Variants in NRF1 observed in about 807,000 individuals in gnomAD.
NRF1 encodes the protein alpha palindromic-binding protein.
NRF1 carries 5 observed loss-of-function variants against 58.5 expected under a neutral mutation model. That is an observed-to-expected ratio of 0.09 (90% CI 0.04 to 0.18). NRF1 has a LOEUF of 0.18. Ranked by LOEUF, NRF1 falls within the 10% of genes least tolerant of loss-of-function variation. The pLI is 1.00. For missense variants in NRF1, 288 were observed against 657.7 expected, an observed-to-expected ratio of 0.44 and a Z score of 6.15; for synonymous variants, 224 against 246.7, an observed-to-expected ratio of 0.91 and a Z score of 0.86.
In NRF1 at chr7:129,756,021, G is replaced by A. The variant is rs534662322; in HGVS notation, c.*840G>A. 1 of 152,786 alleles carries A rather than the reference G, an allele frequency of 6.5e-6. No individual in the cohort carries two copies. The highest frequency in any genetic ancestry group is 1.9e-4 in the East Asian group (1 of 5,184). 9.5% of individuals were successfully genotyped at this position (152,786 alleles called of 1,614,324 possible). The stretch of plus-strand genomic sequence containing the variant: ...TTGCTCTGGTTTTAAGGTCAGTCCT[G>A]AATTGCTCGTATATATGAACTGAAG... On this transcript the variant is annotated 3_prime_UTR_variant, in exon 11 of 11. Coordinates refer to ENST00000393232, the MANE Select transcript of NRF1 (RefSeq NM_005011.5).
chr7:129,742,373 G>C (rs945912489), intron 10 of NRF1, among the ~76,000 whole-genome samples: 1 of 151,522 alleles, frequency 6.6e-6, no homozygotes, highest in African/African-American at 2.4e-5. Context: ...CCGAGACACT[G>C]CTGTGAGTGA....
At chr7:129,750,750 G>GA (rs1223726956) in intron 10 of NRF1, among the ~76,000 whole-genome samples, 1 of 152,168 alleles carries the variant, frequency 6.6e-6, no homozygotes, top group Admixed American at 6.5e-5. Flanking sequence ...ACAGAAGATG[G>GA]AATCTTTCAA....
At chr7:129,708,276 C>T (rs1049870815) in intron 5 of NRF1, among the ~76,000 whole-genome samples, 1 of 152,194 alleles carries the variant, frequency 6.6e-6, no homozygotes, top group Non-Finnish European at 1.5e-5. Context: ...AAAGTAGACC[C>T]TCCCCCAACA....
chr7:129,627,117 CG>C (rs757234962), intron 1 of NRF1, among the ~76,000 whole-genome samples: 3 of 152,222 alleles, frequency 2.0e-5, no homozygotes, highest in Non-Finnish European at 4.4e-5. Context: ...TATTCTTCCA[CG>C]TAGGCTAAGC....
intron 10 of NRF1, among the ~76,000 whole-genome samples, chr7:129,752,037 G>C (rs1264733403): frequency 6.6e-6 from 1 of 152,230 alleles, no homozygotes; most frequent in African/African-American, 2.4e-5. Context: ...ATAGCAACTT[G>C]TGGCACACTT....
At chr7:129,726,803 A>C (rs1159213804) in intron 9 of NRF1, among the ~76,000 whole-genome samples, 1 of 152,258 alleles carries the variant, frequency 6.6e-6, no homozygotes, top group African/African-American at 2.4e-5. Flanking sequence ...ATAAAAGGAC[A>C]GTCTCAGATG....
intron 9 of NRF1, among the ~76,000 whole-genome samples, chr7:129,722,577 T>A (rs1165974089): frequency 6.6e-6 from 1 of 152,160 alleles, no homozygotes; most frequent in Non-Finnish European, 1.5e-5. Context: ...TCTGTCAACC[T>A]GTCACCCCCA....
chr7:129,636,397 C>A (rs907956621), intron 1 of NRF1, among the ~76,000 whole-genome samples: 1 of 152,004 alleles, frequency 6.6e-6, no homozygotes, highest in African/African-American at 2.4e-5. Context: ...CCACACCCGA[C>A]TAATTTTTGT....
chr7:129,643,564 T>C (rs2151068862), intron 1 of NRF1, among the ~76,000 whole-genome samples: 1 of 152,368 alleles, frequency 6.6e-6, no homozygotes, highest in Middle Eastern at 3.4e-3. Flanking sequence ...TTGCAAATGC[T>C]TGGGTAGACC....
At chr7:129,645,943 G>A (rs1801395435) in intron 1 of NRF1, among the ~76,000 whole-genome samples, 3 of 152,074 alleles carry the variant, frequency 2.0e-5, no homozygotes, top group Non-Finnish European at 2.9e-5. Flanking sequence ...TCCGCCTCCC[G>A]GGTTCAAGCG....
At chr7:129,742,143 A>G (rs1196803710) in intron 10 of NRF1, among the ~76,000 whole-genome samples, 2 of 152,162 alleles carry the variant, frequency 1.3e-5, no homozygotes, top group Non-Finnish European at 2.9e-5. Flanking sequence ...AGGCCTGGCA[A>G]GGAGACATAC....
At chr7:129,622,471 T>C (rs770234157) in intron 1 of NRF1, among the ~76,000 whole-genome samples, 4 of 152,204 alleles carry the variant, frequency 2.6e-5, no homozygotes, top group Non-Finnish European at 5.9e-5. Context: ...AAAAGCTATG[T>C]CATGTTCATT....
chr7:129,731,298 C>G (rs1803573867), intron 10 of NRF1, among the ~76,000 whole-genome samples: 1 of 151,784 alleles, frequency 6.6e-6, no homozygotes, highest in Admixed American at 6.6e-5. Context: ...AGGTAATGAC[C>G]CATGCAAGCC....
intron 1 of NRF1, among the ~76,000 whole-genome samples, chr7:129,612,162 C>A (rs1393490488): frequency 1.9e-4 from 29 of 150,832 alleles, no homozygotes; most frequent in Admixed American, 1.9e-3. Context: ...GAACCCGGGG[C>A]CCGGCCTTCC....
chr7:129,647,460 T>C (rs1232701645), intron 1 of NRF1, among the ~76,000 whole-genome samples: 2 of 150,656 alleles, frequency 1.3e-5, no homozygotes, highest in Non-Finnish European at 3.0e-5. Context: ...TGGAGTGCAG[T>C]GGTGCGATCT....
intron 10 of NRF1, among the ~76,000 whole-genome samples, chr7:129,747,022 C>CTCTA (rs1290139098): frequency 6.6e-6 from 1 of 152,198 alleles, no homozygotes; most frequent in African/African-American, 2.4e-5. Flanking sequence ...GTCTGTCCTG[C>CTCTA]TCTATCTTGT....
At chr7:129,639,429 A>G (rs1801240162) in intron 1 of NRF1, among the ~76,000 whole-genome samples, 1 of 152,102 alleles carries the variant, frequency 6.6e-6, no homozygotes, top group Non-Finnish European at 1.5e-5. Context: ...ACAGATTTTC[A>G]TACCTTTTAA....
chr7:129,661,352 C>G (rs1051360318), intron 2 of NRF1, among the ~76,000 whole-genome samples: 1 of 151,344 alleles, frequency 6.6e-6, no homozygotes, highest in Non-Finnish European at 1.5e-5. Flanking sequence ...TGAAGTTTTC[C>G]TCAGAAAATG....
intron 5 of NRF1, among the ~76,000 whole-genome samples, chr7:129,701,374 G>A (rs1169329652): frequency 6.6e-6 from 1 of 152,078 alleles, no homozygotes; most frequent in Non-Finnish European, 1.5e-5. Flanking sequence ...GAGGTGGGTG[G>A]ATCACTTGAG....
Sources: gnomAD v4.1 joint callset for allele counts (sites outside exome capture counted in the v4.1 genomes callset) on GRCh38, gnomAD v4.1.1 for gene constraint, MANE v1.5 for transcripts, NCBI Gene and HGNC (gene_info 2026-07-23, HGNC 2026-07-21) for gene names.